HS2ST1: variants seen among roughly 807,000 people sequenced by gnomAD.
The protein encoded by HS2ST1 is 2-O-sulfotransferase.
In HS2ST1, 18 loss-of-function variants were observed where a neutral mutation model predicts 42.9. That is an observed-to-expected ratio of 0.42 (90% CI 0.29 to 0.62). HS2ST1 has a LOEUF of 0.62. Among genes scored for constraint, HS2ST1 ranks in the 20% least tolerant of loss-of-function variants. HS2ST1 has a pLI of 0.21. For synonymous variants in HS2ST1, 146 were observed against 152.9 expected (o/e 0.95, Z 0.33); for missense variants, 334 against 433.8 (o/e 0.77, Z 2.04).
At chr1:86,939,915 G>GT (rs1325101227) in intron 1 of HS2ST1, among the ~76,000 whole-genome samples, 1 of 151,468 alleles carries the variant, frequency 6.6e-6, no homozygotes, top group Non-Finnish European at 1.5e-5. Context: ...AACAAAGCAG[G>GT]TAGAGAAATA....
At chr1:86,949,089 A>G (rs1218257057) in intron 1 of HS2ST1, among the ~76,000 whole-genome samples, 4 of 152,152 alleles carry the variant, frequency 2.6e-5, no homozygotes, top group African/African-American at 9.7e-5. Flanking sequence ...TTCCTTAAAA[A>G]ATGATAAAAA....
intron 1 of HS2ST1, among the ~76,000 whole-genome samples, chr1:86,992,335 A>T (rs1239969304): frequency 2.6e-5 from 4 of 151,650 alleles, no homozygotes; most frequent in Non-Finnish European, 4.4e-5. Context: ...GGTTACTTGG[A>T]GTTTGTAACA....
At chr1:86,962,110 GA>G (rs1466749904) in intron 1 of HS2ST1, among the ~76,000 whole-genome samples, 13 of 151,906 alleles carry the variant, frequency 8.6e-5, no homozygotes, top group Non-Finnish European at 1.8e-4. Flanking sequence ...TACATATTGT[GA>G]AAAAAATAAG....
chr1:86,995,816 T>A (rs769106293), intron 1 of HS2ST1, among the ~76,000 whole-genome samples: 1 of 152,098 alleles, frequency 6.6e-6, no homozygotes, highest in African/African-American at 2.4e-5. Flanking sequence ...TTTCATTGAC[T>A]AGTAAGTGCT....
intron 1 of HS2ST1, among the ~76,000 whole-genome samples, chr1:86,984,906 C>CA (rs34820915): frequency 0.11 from 12,594 of 117,820 alleles, 662 homozygotes; most frequent in Non-Finnish European, 0.12. Context: ...ATCTCCGTCT[C>CA]AAAAAAAAAA....
chr1:86,942,371 A>G (rs529918977), intron 1 of HS2ST1, among the ~76,000 whole-genome samples: 72 of 152,318 alleles, frequency 4.7e-4, no homozygotes, highest in Non-Finnish European at 9.7e-4. Flanking sequence ...ATTCATTTAG[A>G]TGTTAGTTAA....
At chr1:86,928,321 A>G (rs915201461) in intron 1 of HS2ST1, among the ~76,000 whole-genome samples, 1 of 152,072 alleles carries the variant, frequency 6.6e-6, no homozygotes, top group African/African-American at 2.4e-5. Flanking sequence ...ATTAAAATCA[A>G]TAAAATCCTT....
At chr1:87,045,308 C>G in intron 1 of HS2ST1, 1 of 1,169,210 alleles carries the variant, frequency 8.6e-7, no homozygotes, top group South Asian at 1.2e-5. Context: ...TTGAAGCCAG[C>G]TGCAATTTCT....
At position 87,035,309 on chromosome 1, in the gene HS2ST1, C is replaced by T. The variant is rs116016285; in HGVS notation, c.125-37625C>T. ...AACCTATGAACAATTTTTAACCTAT[C>T]GGTATTGTAAGTAGTACTTCTAATT... On this transcript the variant is annotated intron_variant, in intron 1 of 6. Transcript: ENST00000370550. Among the ~76,000 whole-genome samples, 384 of 152,264 alleles carry T rather than the reference C, an allele frequency of 2.5e-3. 2 individuals carry two copies. Among genetic ancestry groups the T allele is most frequent in the South Asian group, 0.024 (115 of 4,820 alleles).
chr1:87,104,964 A>G lies in HS2ST1; in HGVS notation c.*268A>G, dbSNP rs1652298799. On this transcript the variant is annotated 3_prime_UTR_variant, in exon 7 of 7. Transcript: ENST00000370550. ...AGAAAATATACATCACCTAAAATGA[A>G]CTTATGGCAGGTCTAATCAAAAGGC... 2.8e-6 allele frequency: 1 copy of G among 354,284 alleles called. No individual in the cohort carries two copies. Among genetic ancestry groups the G allele is most frequent in the Non-Finnish European group, 5.1e-6 (1 of 194,988 alleles). 21.9% of individuals were successfully genotyped at this position (354,284 alleles called of 1,614,324 possible).
intron 1 of HS2ST1, among the ~76,000 whole-genome samples, chr1:86,938,131 T>G (rs1374134987): frequency 1.3e-5 from 2 of 152,182 alleles, no homozygotes; most frequent in Non-Finnish European, 2.9e-5. Context: ...TCTTCTTATT[T>G]AAGGAAAGAT....
intron 1 of HS2ST1, among the ~76,000 whole-genome samples, chr1:87,014,630 G>A (rs963309695): frequency 6.6e-6 from 1 of 152,170 alleles, no homozygotes; most frequent in Non-Finnish European, 1.5e-5. Context: ...GCTGGAGGAG[G>A]CTGTGAAGAG....
intron 1 of HS2ST1, among the ~76,000 whole-genome samples, chr1:87,047,341 A>G (rs1406040750): frequency 2.0e-5 from 3 of 146,434 alleles, no homozygotes; most frequent in African/African-American, 7.6e-5. Context: ...TATGATACAA[A>G]TCTTTTGTTG....
chr1:87,036,032 C>A (rs143260781), intron 1 of HS2ST1, among the ~76,000 whole-genome samples: 1 of 152,170 alleles, frequency 6.6e-6, no homozygotes, highest in African/African-American at 2.4e-5. Context: ...TCCATGTGTT[C>A]TCATTGTTCA....
At chr1:87,052,179 G>T (rs545311500) in intron 1 of HS2ST1, among the ~76,000 whole-genome samples, 1 of 152,274 alleles carries the variant, frequency 6.6e-6, no homozygotes, top group South Asian at 2.1e-4. Context: ...CTTGAGCCTG[G>T]GAGGTCGAGG....
At chr1:87,026,720 G>A (rs1317305952) in intron 1 of HS2ST1, among the ~76,000 whole-genome samples, 1 of 151,978 alleles carries the variant, frequency 6.6e-6, no homozygotes, top group Non-Finnish European at 1.5e-5. Context: ...CTTTAGATGT[G>A]TGAAGCCTGT....
intron 1 of HS2ST1, among the ~76,000 whole-genome samples, chr1:87,034,578 T>C (rs373058952): frequency 6.6e-6 from 1 of 152,218 alleles, no homozygotes; most frequent in Non-Finnish European, 1.5e-5. Context: ...GCTAGTACAA[T>C]GAGCTCTAGG....
At chr1:87,079,163 G>A (rs1299561736) in intron 2 of HS2ST1, among the ~76,000 whole-genome samples, 1 of 149,814 alleles carries the variant, frequency 6.7e-6, no homozygotes, top group African/African-American at 2.5e-5. Flanking sequence ...AGCCTTGCTC[G>A]GTCGCCCAGG....
intron 1 of HS2ST1, among the ~76,000 whole-genome samples, chr1:87,008,975 C>G (rs889755381): frequency 6.6e-6 from 1 of 152,146 alleles, no homozygotes; most frequent in Non-Finnish European, 1.5e-5. Flanking sequence ...TCCCAAGTAG[C>G]TGGGACCACA....
Sources: gnomAD v4.1 joint callset for allele counts (sites outside exome capture counted in the v4.1 genomes callset) on GRCh38, gnomAD v4.1.1 for gene constraint, MANE v1.5 for transcripts, NCBI Gene and HGNC (gene_info 2026-07-23, HGNC 2026-07-21) for gene names.